The following TECPR2 variants were observed in gnomAD, a reference collection of about 807,000 sequenced individuals.
TECPR2 encodes tectonin beta-propeller repeat containing 2.
Under a neutral mutation model 138.1 loss-of-function variants are expected in TECPR2, and 65 were observed. The ratio of observed to expected loss-of-function variants is 0.47; its 90% CI spans 0.39 to 0.58. TECPR2 has a LOEUF of 0.58. Among genes scored for constraint, TECPR2 ranks in the 20% least tolerant of loss-of-function variants. The pLI is 0.00. For synonymous variants in TECPR2, 746 were observed against 749.8 expected (o/e 0.99, Z 0.08); for missense variants, 1,553 against 1,824.5 (o/e 0.85, Z 2.71).
In TECPR2 at chr14:102,420,256, A is replaced by AAATTATAT. The variant is rs1418013648; in HGVS notation, c.639-4722_639-4715dup. On this transcript the variant is annotated intron_variant, in intron 5 of 19. Coordinates refer to ENST00000359520, the MANE Select transcript of TECPR2 (RefSeq NM_014844.5). This position sits in a 1 kb window ranked among gnomAD's most constrained non-coding sequence, Gnocchi z 4.1. ...GGAAATCATCTCTACCGAAATTAAG[A>AAATTATAT]AATTATATTAATTTGTTTATGATTT... Among the ~76,000 whole-genome samples the AAATTATAT allele has an allele frequency of 6.6e-6, 1 of 152,206 alleles. No homozygotes were observed. Among genetic ancestry groups the AAATTATAT allele is most frequent in the Non-Finnish European group, 1.5e-5 (1 of 68,038 alleles).
intron 16 of TECPR2, among the ~76,000 whole-genome samples, chr14:102,464,093 C>T (rs1890487482): frequency 6.6e-6 from 1 of 152,216 alleles, no homozygotes; most frequent in Non-Finnish European, 1.5e-5. Flanking sequence ...TGGCCACCTC[C>T]TGCCGTGTGG....
In TECPR2 at chr14:102,429,399, C is replaced by A. The variant is rs1889409089; in HGVS notation, c.1084+1017C>A. Among the ~76,000 whole-genome samples the A allele has an allele frequency of 2.0e-5, 3 of 152,206 alleles. No individual in the cohort carries two copies. In the South Asian group the frequency reaches 6.2e-4, roughly 32 times the overall value. On this transcript the variant is annotated intron_variant, in intron 7 of 19. Transcript: ENST00000359520. Reference sequence around the variant, plus strand: ...GTTTTAGAATATTTAAATCTGTCATCTGGGACATACCGTTTACCCTTAACT... The same window carrying A: ...GTTTTAGAATATTTAAATCTGTCATATGGGACATACCGTTTACCCTTAACT...
At chr14:102,463,113 C>T (rs1890448954) in intron 16 of TECPR2, among the ~76,000 whole-genome samples, 1 of 152,198 alleles carries the variant, frequency 6.6e-6, no homozygotes, top group African/African-American at 2.4e-5. Flanking sequence ...ATTGGGGAAA[C>T]TGGCGGTTTC....
At chr14:102,457,960 G>A (rs550750314) in intron 16 of TECPR2, among the ~76,000 whole-genome samples, 4 of 139,004 alleles carry the variant, frequency 2.9e-5, no homozygotes, top group African/African-American at 1.1e-4. Flanking sequence ...TGCAACCTCC[G>A]TCTCCTAGGT....
At chr14:102,465,611 A>G (rs1595140290) in intron 17 of TECPR2, 1 of 1,015,302 alleles carries the variant, frequency 9.8e-7, no homozygotes, top group South Asian at 4.4e-5. Flanking sequence ...CCTCTATTTT[A>G]TAATAATAAT....
intron 17 of TECPR2, among the ~76,000 whole-genome samples, chr14:102,492,700 G>C (rs1891183949): frequency 6.6e-6 from 1 of 152,180 alleles, no homozygotes; most frequent in Non-Finnish European, 1.5e-5. Context: ...AGGCCTGGCA[G>C]GCAGCGTGAG....
intron 15 of TECPR2, 100 bp downstream of exon 15, chr14:102,450,749 T>C: frequency 8.2e-7 from 1 of 1,220,864 alleles, no homozygotes; most frequent in Non-Finnish European, 1.2e-6. Flanking sequence ...TTATGGGGCA[T>C]GCCTCGGAGA....
chr14:102,486,595 G>A (rs982531955), intron 17 of TECPR2, among the ~76,000 whole-genome samples: 1 of 152,174 alleles, frequency 6.6e-6, no homozygotes. Flanking sequence ...CAAGGCCAGG[G>A]CCCCACAGGC....
At chr14:102,460,260 C>T (rs1349825531) in intron 16 of TECPR2, among the ~76,000 whole-genome samples, 1 of 151,906 alleles carries the variant, frequency 6.6e-6, no homozygotes, top group African/African-American at 2.4e-5. Flanking sequence ...CCACTGCACT[C>T]CAGCCTGGGC....
Position 102,452,444 on chromosome 14 carries a change from G to A in TECPR2, c.3457G>A (p.Ala1153Thr), listed in dbSNP as rs1434471705. Residue 1153 changes from alanine (A) to threonine (T), a missense_variant, in exon 16 of 20, where the codon GCC becomes ACC. By Grantham distance (58) the Ala-to-Thr change is moderately conservative (BLOSUM62 0). Coordinates refer to ENST00000359520, the MANE Select transcript of TECPR2 (RefSeq NM_014844.5). ...CAGCAAGGACCTGTGCAGCGTCAGC[G>A]CCCAGAGCGCACAGTCGCGGCCCTC... ...QSSKDLCSVS[A>T]QSAQSRPSTV... is the part of the protein sequence containing the mutation. 17 of 1,613,496 alleles carry A rather than the reference G, an allele frequency of 1.1e-5. No homozygotes were observed. The highest frequency in any genetic ancestry group is 1.7e-5 in the Admixed American group (1 of 59,986).
intron 17 of TECPR2, among the ~76,000 whole-genome samples, chr14:102,479,034 G>A (rs1595145375): frequency 6.2e-5 from 9 of 145,106 alleles, no homozygotes; most frequent in Non-Finnish European, 1.2e-4. Flanking sequence ...AAAAAAAAAA[G>A]GAAAAAAAAA....
Position 102,420,925 on chromosome 14 carries a change from T to A in TECPR2, c.639-4054T>A, listed in dbSNP as rs1889162339. Among the ~76,000 whole-genome samples the A allele has an allele frequency of 6.6e-6, 1 of 152,222 alleles. No individual in the cohort carries two copies. Among genetic ancestry groups the A allele is most frequent in the Non-Finnish European group, 1.5e-5 (1 of 68,028 alleles). ...GATCTGAGCTCTTTGAGCAGCTCTTTGAGCCTCAGATGGCGCTTCCAGATG... is the reference window on the plus strand; with the variant it reads ...GATCTGAGCTCTTTGAGCAGCTCTTAGAGCCTCAGATGGCGCTTCCAGATG... On this transcript the variant is annotated intron_variant, in intron 5 of 19. Coordinates refer to ENST00000359520, the MANE Select transcript of TECPR2 (RefSeq NM_014844.5). This position sits in a 1 kb window ranked among gnomAD's most constrained non-coding sequence, Gnocchi z 4.1.
chr14:102,436,654 T>C (rs1159319924), intron 9 of TECPR2, among the ~76,000 whole-genome samples: 2 of 152,208 alleles, frequency 1.3e-5, no homozygotes, highest in East Asian at 3.8e-4. Flanking sequence ...CCGGCATTTA[T>C]CTTTTCAACC....
chr14:102,438,695 G>A (rs909353577), intron 10 of TECPR2, among the ~76,000 whole-genome samples: 17 of 152,084 alleles, frequency 1.1e-4, no homozygotes, highest in Admixed American at 6.6e-5. Context: ...TGCTGTGGGT[G>A]AACAGTCTAC....
chr14:102,434,521 T>G lies in TECPR2; in HGVS notation c.1704T>G (p.Thr568=), dbSNP rs749355080. Residue 568 remains threonine (T), a synonymous_variant, in exon 9 of 20, where the codon ACT becomes ACG. Coordinates refer to ENST00000359520, the MANE Select transcript of TECPR2 (RefSeq NM_014844.5). ...TGGCTGAGGAAGATGACATTAGAAC[T>G]GAAATGCCACACTGTCACCATGCAC... ...DSLAEEDDIR[T]EMPHCHHAHG... The G allele has an allele frequency of 3.8e-6, 6 of 1,558,990 alleles. No homozygotes were observed. In the Admixed American group the frequency reaches 1.1e-4, roughly 30 times the overall value.
chr14:102,388,580 A>G lies in TECPR2; in HGVS notation c.219+11640A>G, dbSNP rs190332858. ...GCAGTGGCTCACGCCTGTTAACCCA[A>G]CACTTTGGGAGGCCGAGGCAGGAGG... On this transcript the variant is annotated intron_variant, in intron 2 of 19. Coordinates refer to ENST00000359520, the MANE Select transcript of TECPR2 (RefSeq NM_014844.5). 2.2e-3 allele frequency among the ~76,000 whole-genome samples: 334 copies of G among 152,046 alleles called. 3 individuals carry two copies. Among genetic ancestry groups the G allele is most frequent in the African/African-American group, 7.6e-3 (317 of 41,484 alleles).
rs922229633 is a variant in TECPR2, at chr14:102,405,386, T to C, written c.220-1952T>C. 4.6e-5 allele frequency among the ~76,000 whole-genome samples: 7 copies of C among 152,152 alleles called. No individual in the cohort carries two copies. In the East Asian group the frequency reaches 1.3e-3, roughly 29 times the overall value. Reference sequence around the variant, plus strand: ...ATGGGCAAAGGACTTGAATAGATGTTTCCCCAGAGAAGGTAAACAAATGAC... The same window carrying C: ...ATGGGCAAAGGACTTGAATAGATGTCTCCCCAGAGAAGGTAAACAAATGAC... On this transcript the variant is annotated intron_variant, in intron 2 of 19. Transcript: ENST00000359520.
At chr14:102,461,882 G>A (rs1184320054) in intron 16 of TECPR2, among the ~76,000 whole-genome samples, 6 of 152,212 alleles carry the variant, frequency 3.9e-5, no homozygotes, top group Admixed American at 3.9e-4. Context: ...ACCACATCCT[G>A]ACCACTTCTT....
intron 2 of TECPR2, among the ~76,000 whole-genome samples, chr14:102,394,684 C>T (rs1888268632): frequency 6.6e-6 from 1 of 152,178 alleles, no homozygotes; most frequent in African/African-American, 2.4e-5. Context: ...CAGCACCTTC[C>T]CTTATAGAAA....
Sources: gnomAD v4.1 joint callset for allele counts (sites outside exome capture counted in the v4.1 genomes callset) on GRCh38, gnomAD v4.1.1 for gene constraint, Gnocchi (gnomAD v3.1) non-coding constraint, MANE v1.5 for transcripts, NCBI Gene and HGNC (gene_info 2026-07-23, HGNC 2026-07-21) for gene names.